Variants in FKBP15 observed in about 807,000 individuals in gnomAD.
FKBP15 encodes the protein FKBP prolyl isomerase family member 15.
In FKBP15, 106 loss-of-function variants were observed where a neutral mutation model predicts 158.1. The observed-to-expected ratio is 0.67, with a 90% CI of 0.57 to 0.79. The LOEUF is 0.79. Among genes scored for constraint, FKBP15 ranks in the 30% least tolerant of loss-of-function variants. The pLI is 0.00. For synonymous variants in FKBP15, 547 were observed against 548.6 expected (o/e 1.00, Z 0.04); for missense variants, 1,287 against 1,479.1 (o/e 0.87, Z 2.13).
chr9:113,171,347 AC>A (rs1438177021), intron 24 of FKBP15, among the ~76,000 whole-genome samples: 4 of 152,134 alleles, frequency 2.6e-5, no homozygotes, highest in Non-Finnish European at 5.9e-5. Flanking sequence ...AATCGCTTGA[AC>A]CTGGGAGGCG....
intron 19 of FKBP15, among the ~76,000 whole-genome samples, chr9:113,181,732 AAAAC>A (rs1830400627): frequency 6.6e-6 from 1 of 152,220 alleles, no homozygotes; most frequent in South Asian, 2.1e-4. Context: ...TTATAAAGAA[AAAAC>A]AAACAAGCAA....
At chr9:113,174,663 C>T (rs552000006) in intron 21 of FKBP15, 80 bp from the exon 22 acceptor site, 1 of 1,419,686 alleles carries the variant, frequency 7.0e-7, no homozygotes, top group Non-Finnish European at 9.5e-7. Context: ...CAGTTAATTA[C>T]CTTGTGGAAT....
At chr9:113,207,137 G>C in intron 3 of FKBP15, 75 bp downstream of exon 3, 1 of 1,168,774 alleles carries the variant, frequency 8.6e-7, no homozygotes, top group Non-Finnish European at 1.2e-6. Flanking sequence ...ACAAACAGAG[G>C]TTTTTCGAGA....
chr9:113,193,214 G>C (rs1476168314), intron 11 of FKBP15, among the ~76,000 whole-genome samples: 1 of 152,102 alleles, frequency 6.6e-6, no homozygotes, highest in Admixed American at 6.5e-5. Flanking sequence ...CCAAGTAAGG[G>C]GAAATGAACA....
chr9:113,207,337 G>T, intron 2 of FKBP15, 41 bp from the exon 3 acceptor site: 1 of 1,444,212 alleles, frequency 6.9e-7, no homozygotes, highest in Non-Finnish European at 9.5e-7. Flanking sequence ...TTCACTTCTT[G>T]CTTTAAACTA....
chr9:113,199,673 A>C, intron 7 of FKBP15, 141 bp downstream of exon 7: 1 of 817,050 alleles, frequency 1.2e-6, no homozygotes, highest in South Asian at 1.9e-5. Flanking sequence ...ATGCCCCCAA[A>C]GCAATTGCAG....
chr9:113,170,709 C>G (rs116043374), intron 24 of FKBP15, 80 bp from the exon 25 acceptor site: 6 of 1,026,132 alleles, frequency 5.8e-6, no homozygotes, highest in Non-Finnish European at 9.2e-6. Flanking sequence ...GTATGGAAGG[C>G]CAAAATGAAG....
At chr9:113,207,701 T>C (rs1587974192) in intron 2 of FKBP15, among the ~76,000 whole-genome samples, 1 of 152,170 alleles carries the variant, frequency 6.6e-6, no homozygotes, top group African/African-American at 2.4e-5. Flanking sequence ...CAGTCAGTGT[T>C]GTAATGCTTT....
In FKBP15 at chr9:113,184,857, G is replaced by A. The variant is rs749579717; in HGVS notation, c.1499-53C>T. On this transcript the variant is annotated intron_variant, in intron 15 of 27. Coordinates refer to ENST00000238256, the MANE Select transcript of FKBP15 (RefSeq NM_015258.2). The surrounding 1 kb of genome is among the most constrained non-coding windows in gnomAD (Gnocchi z 4.5). Reference sequence around the variant, plus strand: ...TTATGAAACTGGAGCAGAGGAAACTGTATGAAGAAAAGCTAGTAGCTCTTC... The same window carrying A: ...TTATGAAACTGGAGCAGAGGAAACTATATGAAGAAAAGCTAGTAGCTCTTC... The A allele has an allele frequency of 3.6e-6, 5 of 1,394,550 alleles. No individual in the cohort carries two copies. The highest frequency in any genetic ancestry group is 1.2e-5 in the South Asian group (1 of 80,346). 86.4% of individuals were successfully genotyped at this position (1,394,550 alleles called of 1,614,324 possible). A position where few individuals can be genotyped will look rare whatever the true frequency, so the allele number is the denominator to read the frequency against.
chr9:113,201,192 T>C (rs1830785498), intron 6 of FKBP15, among the ~76,000 whole-genome samples: 1 of 151,408 alleles, frequency 6.6e-6, no homozygotes, highest in African/African-American at 2.4e-5. Context: ...TTGATATAAA[T>C]GTGAAATAGT....
At position 113,165,906 on chromosome 9, in the gene FKBP15, CTGGCGGGGGTGGGGCTCAGAAGG is replaced by C; in HGVS notation, c.*149_*171del. 1.8e-6 allele frequency: 1 copy of C among 564,026 alleles called. No individual in the cohort carries two copies. Among genetic ancestry groups the C allele is most frequent in the Non-Finnish European group, 3.2e-6 (1 of 315,014 alleles). The allele number at this position is 564,026 out of a possible 1,614,324, so 34.9% of individuals were successfully genotyped here. ...AGGGTTATGATCCTCTTCACCAGGT[CTGGCGGGGGTGGGGCTCAGAAGG>C]TGGCCAACCCACCCTCTGAGCCCAA... On this transcript the variant is annotated 3_prime_UTR_variant, in exon 28 of 28. Transcript: ENST00000238256.
intron 21 of FKBP15, among the ~76,000 whole-genome samples, chr9:113,175,519 G>A (rs1204666627): frequency 1.3e-5 from 2 of 152,106 alleles, no homozygotes; most frequent in Admixed American, 6.5e-5. Flanking sequence ...ATATTTAAAC[G>A]ATTCCAGAAC....
chr9:113,199,731 G>T (rs1446782839), intron 7 of FKBP15, 83 bp downstream of exon 7: 1 of 1,369,136 alleles, frequency 7.3e-7, no homozygotes, highest in Non-Finnish European at 9.8e-7. Flanking sequence ...AACAGCAGCC[G>T]TTCACAGTAA....
chr9:113,171,774 G>A (rs1564151312), intron 23 of FKBP15, 68 bp from the exon 24 acceptor site: 2 of 1,305,156 alleles, frequency 1.5e-6, no homozygotes, highest in Non-Finnish European at 2.0e-6. Context: ...CCAAGGGGAG[G>A]AGAACCACCC....
In FKBP15 at chr9:113,221,205, G is replaced by C; in HGVS notation, c.39C>G (p.Leu13=). The change falls in exon 1 of 28, where the codon CTC becomes CTG. Residue 13 remains leucine, a synonymous_variant. Coordinates refer to ENST00000238256, the MANE Select transcript of FKBP15 (RefSeq NM_015258.2). ...CAGTCACTCACCCGCCGCTCGGCGA[G>C]AGGAAATCGGTGTCGTCCTCGTCCC... The part of the protein sequence containing the change: ...GAGDEDDTDF[L]SPSGGARLAS... The C allele has an allele frequency of 6.2e-7, 1 of 1,610,324 alleles. No homozygotes were observed. Among genetic ancestry groups the C allele is most frequent in the East Asian group, 2.2e-5 (1 of 44,742 alleles).
chr9:113,217,964 C>T (rs1347806634), intron 1 of FKBP15, among the ~76,000 whole-genome samples: 2 of 151,988 alleles, frequency 1.3e-5, no homozygotes, highest in African/African-American at 4.8e-5. Flanking sequence ...GGACTTGAAT[C>T]TATATTTATA....
At chr9:113,213,560 C>T (rs1383797628) in intron 1 of FKBP15, among the ~76,000 whole-genome samples, 2 of 144,758 alleles carry the variant, frequency 1.4e-5, no homozygotes, top group Admixed American at 6.9e-5. Context: ...GGTGACAGAG[C>T]AAGACCCTGT....
Position 113,162,620 on chromosome 9 carries a change from G to T in FKBP15, c.*3458C>A. On this transcript the variant is annotated 3_prime_UTR_variant, in exon 28 of 28. Coordinates refer to ENST00000238256, the MANE Select transcript of FKBP15 (RefSeq NM_015258.2). ...GAGGGGCAGAAAGAAATCACTCCTG[G>T]GTTAAGCATACAAGTTATAAATCAA... 2.4e-6 allele frequency: 2 copies of T among 839,024 alleles called. No homozygotes were observed. The highest frequency in any genetic ancestry group is 1.7e-5 in the South Asian group (1 of 57,210). The allele number at this position is 839,024 out of a possible 1,614,324, so 52.0% of individuals were successfully genotyped here.
chr9:113,161,409 G>C lies in FKBP15; in HGVS notation c.*4669C>G. 1 of 1,063,468 alleles carries C rather than the reference G, an allele frequency of 9.4e-7. No individual in the cohort carries two copies. 65.9% of individuals were successfully genotyped at this position (1,063,468 alleles called of 1,614,324 possible). ...AGCAAGGGTGGGGAAGAAGGTGCAG[G>C]ATAGAGGTGGATGGAGTGGATTCCA... is the stretch of plus-strand genomic sequence containing the variant. On this transcript the variant is annotated 3_prime_UTR_variant, in exon 28 of 28. Transcript: ENST00000238256.
Sources: allele counts gnomAD v4.1 joint callset (sites outside exome capture counted in the v4.1 genomes callset), GRCh38; gene constraint gnomAD v4.1.1; non-coding constraint Gnocchi (gnomAD v3.1); transcripts MANE v1.5; gene names NCBI Gene and HGNC (gene_info 2026-07-23, HGNC 2026-07-21).